FAM83B: variants seen among roughly 807,000 people sequenced by gnomAD.
FAM83B encodes the protein scaffolding CK1 anchoring protein B.
A neutral mutation model predicts 38.8 loss-of-function variants in FAM83B; 26 were observed. That is an observed-to-expected ratio of 0.67 (90% CI 0.49 to 0.93). The LOEUF is 0.93. Ranked by LOEUF, FAM83B falls within the 40% of genes least tolerant of loss-of-function variation. The probability of loss-of-function intolerance (pLI) is 0.00; values close to 1 mark genes in which losing one functional copy is unlikely to be tolerated. For missense variants in FAM83B, 1,237 were observed against 1,197.3 expected (o/e 1.03, Z -0.49); for synonymous variants, 419 against 423.1 (o/e 0.99, Z 0.12).
chr6:54,872,446 G>C (rs534702351), intron 2 of FAM83B, among the ~76,000 whole-genome samples: 15 of 152,260 alleles, frequency 9.9e-5, no homozygotes, highest in African/African-American at 3.1e-4. Flanking sequence ...ATATGCTTTT[G>C]AAGCACAATG....
Position 54,944,119 on chromosome 6 carries a change from A to G in FAM83B, c.*2112A>G, listed in dbSNP as rs1413304158. 1.3e-5 allele frequency: 2 copies of G among 152,180 alleles called. No individual in the cohort carries two copies. Among genetic ancestry groups the G allele is most frequent in the Non-Finnish European group, 2.9e-5 (2 of 68,020 alleles). 9.4% of individuals were successfully genotyped at this position (152,180 alleles called of 1,614,324 possible). On this transcript the variant is annotated 3_prime_UTR_variant, in exon 5 of 5. Transcript: ENST00000306858. ...AATATCTATATTTGAGAATATGTAC[A>G]TAACAACTTTCCAAAGTCTCTGTGG... is the stretch of plus-strand genomic sequence containing the variant.
chr6:54,913,382 G>A (rs1365386396), intron 2 of FAM83B, among the ~76,000 whole-genome samples: 2 of 151,990 alleles, frequency 1.3e-5, no homozygotes, highest in Non-Finnish European at 2.9e-5. Context: ...TAACAACTTG[G>A]TATTCATAAT....
chr6:54,897,954 A>G (rs758025181), intron 2 of FAM83B, among the ~76,000 whole-genome samples: 5 of 152,216 alleles, frequency 3.3e-5, no homozygotes, highest in Non-Finnish European at 7.3e-5. Flanking sequence ...CTGAATTATT[A>G]CATATGTTTA....
intron 2 of FAM83B, among the ~76,000 whole-genome samples, chr6:54,889,979 A>G (rs2127580052): frequency 6.6e-6 from 1 of 152,174 alleles, no homozygotes; most frequent in Non-Finnish European, 1.5e-5. Flanking sequence ...TTACATTTTA[A>G]CCATTTATGT....
At chr6:54,924,198 C>A (rs1205994106) in intron 2 of FAM83B, among the ~76,000 whole-genome samples, 1 of 151,458 alleles carries the variant, frequency 6.6e-6, no homozygotes, top group Admixed American at 6.6e-5. Flanking sequence ...TACACACACA[C>A]ACACACACAC....
intron 2 of FAM83B, among the ~76,000 whole-genome samples, chr6:54,920,789 T>C (rs1321572888): frequency 6.6e-6 from 1 of 151,970 alleles, no homozygotes; most frequent in Non-Finnish European, 1.5e-5. Flanking sequence ...TCTTATGCAA[T>C]TGTATGACTC....
At chr6:54,905,145 A>C (rs1178386514) in intron 2 of FAM83B, among the ~76,000 whole-genome samples, 1 of 152,060 alleles carries the variant, frequency 6.6e-6, no homozygotes. Context: ...ACCTGGGGTC[A>C]GCAGGGAGAA....
At chr6:54,885,128 G>C (rs991040622) in intron 2 of FAM83B, among the ~76,000 whole-genome samples, 1 of 151,808 alleles carries the variant, frequency 6.6e-6, no homozygotes. Context: ...TTGCTTTTCT[G>C]TAGGAATTTT....
At chr6:54,854,317 T>G (rs1771388332) in intron 1 of FAM83B, among the ~76,000 whole-genome samples, 1 of 152,194 alleles carries the variant, frequency 6.6e-6, no homozygotes, top group Non-Finnish European at 1.5e-5. Context: ...GAAAGAAGTT[T>G]TACCATATGT....
chr6:54,903,908 A>G (rs938384673), intron 2 of FAM83B, among the ~76,000 whole-genome samples: 2 of 151,894 alleles, frequency 1.3e-5, no homozygotes, highest in Non-Finnish European at 2.9e-5. Context: ...ACATGTACAG[A>G]GTAGATTCTC....
intron 2 of FAM83B, among the ~76,000 whole-genome samples, chr6:54,917,852 G>A (rs1023773216): frequency 1.2e-4 from 19 of 152,008 alleles, no homozygotes; most frequent in East Asian, 1.9e-4. Context: ...GTTGCCTTAC[G>A]TATCCACCCG....
intron 2 of FAM83B, among the ~76,000 whole-genome samples, chr6:54,883,126 A>C (rs560547463): frequency 6.6e-6 from 1 of 151,724 alleles, no homozygotes; most frequent in East Asian, 1.9e-4. Flanking sequence ...TTGTATTTTT[A>C]GTAGAGACTG....
At chr6:54,915,119 TAA>T (rs201484145) in intron 2 of FAM83B, among the ~76,000 whole-genome samples, 1 of 144,620 alleles carries the variant, frequency 6.9e-6, no homozygotes, top group Non-Finnish European at 1.5e-5. Context: ...TTTCTATAGT[TAA>T]AAAAAAAAAG....
At chr6:54,895,755 T>G (rs1772515663) in intron 2 of FAM83B, among the ~76,000 whole-genome samples, 2 of 151,854 alleles carry the variant, frequency 1.3e-5, no homozygotes, top group South Asian at 4.2e-4. Flanking sequence ...TTTTGTTTTG[T>G]TTTGAGATGG....
At chr6:54,850,972 C>T (rs563055336) in intron 1 of FAM83B, among the ~76,000 whole-genome samples, 1 of 141,044 alleles carries the variant, frequency 7.1e-6, no homozygotes, top group East Asian at 2.1e-4. Flanking sequence ...GAGCCCAGGT[C>T]GCGCCACTGC....
Position 54,942,132 on chromosome 6 carries a change from G to GGGTATGA in FAM83B, c.*125_*126insGGTATGA. The GGGTATGA allele has an allele frequency of 1.1e-6, 1 of 951,296 alleles. No individual in the cohort carries two copies. Among genetic ancestry groups the GGGTATGA allele is most frequent in the Non-Finnish European group, 1.5e-6 (1 of 650,624 alleles). 58.9% of individuals were successfully genotyped at this position (951,296 alleles called of 1,614,324 possible). On this transcript the variant is annotated 3_prime_UTR_variant, in exon 5 of 5. Coordinates refer to ENST00000306858, the MANE Select transcript of FAM83B (RefSeq NM_001010872.3). ...ATGGGTATGATGTATATGTTCACCA[G>GGGTATGA]TGTCCTAGTATAAAGTTATTTTTCT...
chr6:54,878,944 G>A (rs1206829448), intron 2 of FAM83B, among the ~76,000 whole-genome samples: 1 of 152,114 alleles, frequency 6.6e-6, no homozygotes, highest in African/African-American at 2.4e-5. Flanking sequence ...ATATTTTGAA[G>A]GTAGTGAAAC....
chr6:54,914,889 T>C (rs968977181), intron 2 of FAM83B, among the ~76,000 whole-genome samples: 1 of 152,128 alleles, frequency 6.6e-6, no homozygotes, highest in Non-Finnish European at 1.5e-5. Context: ...CCATTTCTCC[T>C]TTGTGTCCTG....
At chr6:54,936,458 T>C (rs978619602) in intron 4 of FAM83B, among the ~76,000 whole-genome samples, 2 of 152,096 alleles carry the variant, frequency 1.3e-5, no homozygotes, top group African/African-American at 2.4e-5. Context: ...TGTACTACAA[T>C]AGTACTACAA....
Sources: allele counts gnomAD v4.1 joint callset (sites outside exome capture counted in the v4.1 genomes callset), GRCh38; gene constraint gnomAD v4.1.1; transcripts MANE v1.5; gene names NCBI Gene and HGNC (gene_info 2026-07-23, HGNC 2026-07-21).